The following NBEAL1 variants were observed in gnomAD, a reference collection of about 807,000 sequenced individuals.
NBEAL1 encodes the protein neurobeachin like 1.
Under a neutral mutation model 351.3 loss-of-function variants are expected in NBEAL1, and 273 were observed. The observed-to-expected ratio is 0.78, with a 90% CI of 0.70 to 0.86. The LOEUF is 0.86. Ranked by LOEUF, NBEAL1 falls within the 40% of genes least tolerant of loss-of-function variation. NBEAL1 has a pLI of 0.00. For missense variants in NBEAL1, 2,961 were observed against 3,201.3 expected (o/e 0.92, Z 1.81); for synonymous variants, 1,050 against 1,086.4 (o/e 0.97, Z 0.66).
At chr2:203,195,129 G>A (rs2065203398) in intron 47 of NBEAL1, among the ~76,000 whole-genome samples, 1 of 151,200 alleles carries the variant, frequency 6.6e-6, no homozygotes, top group Non-Finnish European at 1.5e-5. Flanking sequence ...AGGAGGCAGA[G>A]CTTGCAGTGA....
intron 39 of NBEAL1, among the ~76,000 whole-genome samples, chr2:203,170,477 C>A (rs1464247376): frequency 6.6e-6 from 1 of 152,156 alleles, no homozygotes; most frequent in African/African-American, 2.4e-5. Context: ...AATGCCAATT[C>A]TCCTACCAGC....
intron 10 of NBEAL1, among the ~76,000 whole-genome samples, chr2:203,090,882 C>G (rs1405283404): frequency 6.7e-6 from 1 of 148,244 alleles, no homozygotes; most frequent in Non-Finnish European, 1.5e-5. Context: ...GAGCAAGACT[C>G]TGTCTTAAGA....
chr2:203,191,150 A>C (rs1462292341), intron 46 of NBEAL1: 2 of 1,584,446 alleles, frequency 1.3e-6, no homozygotes, highest in Non-Finnish European at 1.7e-6. Context: ...TTAGCCAGAG[A>C]ACTCTCTGGA....
At chr2:203,075,443 G>A (rs2061754960) in intron 7 of NBEAL1, among the ~76,000 whole-genome samples, 1 of 152,182 alleles carries the variant, frequency 6.6e-6, no homozygotes, top group Non-Finnish European at 1.5e-5. Flanking sequence ...CACTGTGGCT[G>A]AGTGGAACTC....
intron 12 of NBEAL1, among the ~76,000 whole-genome samples, chr2:203,106,335 T>C (rs1386979915): frequency 2.0e-5 from 3 of 152,232 alleles, no homozygotes; most frequent in Non-Finnish European, 2.9e-5. Flanking sequence ...TTCATTGTAT[T>C]CCTTAGATTA....
intron 27 of NBEAL1, among the ~76,000 whole-genome samples, chr2:203,134,001 T>C (rs1461572840): frequency 6.6e-6 from 1 of 152,124 alleles, no homozygotes; most frequent in African/African-American, 2.4e-5. Context: ...TGTCTTTTTA[T>C]GTTTTCCAAT....
rs1330347527 is a variant in NBEAL1 at position 203,110,283 on chromosome 2, G to A, written c.2082+1G>A. 1 of 1,551,572 alleles carries A rather than the reference G, an allele frequency of 6.4e-7. No individual in the cohort carries two copies. On this transcript the variant is annotated splice_donor_variant, in intron 15 of 55. Coordinates refer to ENST00000683969, the MANE Select transcript of NBEAL1 (RefSeq NM_001378026.1). LOFTEE classifies it high-confidence loss of function. Reference sequence around the variant, plus strand: ...CCACAGTTTCTGTGATTCCCTCTGGGTAAGGCTTTAGGGCATCACATTTAA... The same window carrying A: ...CCACAGTTTCTGTGATTCCCTCTGGATAAGGCTTTAGGGCATCACATTTAA...
chr2:203,084,182 G>T (rs557286112), intron 9 of NBEAL1, among the ~76,000 whole-genome samples: 16 of 152,146 alleles, frequency 1.1e-4, no homozygotes, highest in African/African-American at 3.6e-4. Flanking sequence ...GTTCCTTTTA[G>T]AAGTAAAACG....
At chr2:203,121,661 A>G (rs921975516) in intron 18 of NBEAL1, among the ~76,000 whole-genome samples, 5 of 152,038 alleles carry the variant, frequency 3.3e-5, no homozygotes, top group South Asian at 2.1e-4. Context: ...TCCAAAAAAA[A>G]AAAAAAAACA....
At chr2:203,021,128 A>G (rs554652064) in intron 2 of NBEAL1, among the ~76,000 whole-genome samples, 14 of 152,130 alleles carry the variant, frequency 9.2e-5, no homozygotes, top group African/African-American at 3.4e-4. Flanking sequence ...GGGTTTCACC[A>G]TGTTGGTCAG....
At chr2:203,055,767 A>C (rs888568219) in intron 4 of NBEAL1, among the ~76,000 whole-genome samples, 4 of 152,178 alleles carry the variant, frequency 2.6e-5, no homozygotes, top group African/African-American at 9.7e-5. Flanking sequence ...AGGTATAGTA[A>C]ATATTGTCTT....
intron 41 of NBEAL1, among the ~76,000 whole-genome samples, chr2:203,174,896 A>G (rs561026429): frequency 7.4e-6 from 1 of 135,124 alleles, no homozygotes; most frequent in African/African-American, 2.7e-5. Flanking sequence ...TAAATAAATA[A>G]AAATAAAAAT....
intron 3 of NBEAL1, among the ~76,000 whole-genome samples, chr2:203,047,151 C>T (rs2061241692): frequency 2.0e-5 from 3 of 151,960 alleles, no homozygotes; most frequent in Non-Finnish European, 4.4e-5. Flanking sequence ...GCAGCAGAAT[C>T]GCTTGAATGC....
intron 10 of NBEAL1, chr2:203,085,045 A>G (rs910320772): frequency 6.5e-6 from 1 of 154,950 alleles, no homozygotes; most frequent in African/African-American, 2.4e-5. Flanking sequence ...CTTGGTGCAA[A>G]CCTATTACTC....
chr2:203,179,289 G>C (rs1424108954), intron 42 of NBEAL1, among the ~76,000 whole-genome samples: 3 of 152,192 alleles, frequency 2.0e-5, no homozygotes, highest in Non-Finnish European at 4.4e-5. Context: ...TATAGACGCA[G>C]TGCCCATGAT....
At position 203,183,184 on chromosome 2, in the gene NBEAL1, T is replaced by C. The variant is rs1055002800; in HGVS notation, c.6596-95T>C. On this transcript the variant is annotated intron_variant, in intron 43 of 55. Coordinates refer to ENST00000683969, the MANE Select transcript of NBEAL1 (RefSeq NM_001378026.1). ...GATAAGAATTTTAAAAGAAAAAATA[T>C]GTTTTGCTTAGGAATGTGCCCTCAT... The C allele has an allele frequency of 2.7e-5, 16 of 589,602 alleles. No homozygotes were observed. The East Asian group carries it at 4.2e-4, about 16-fold the overall frequency. 36.5% of individuals were successfully genotyped at this position (589,602 alleles called of 1,614,324 possible).
chr2:203,168,176 G>A (rs535318357), intron 38 of NBEAL1, among the ~76,000 whole-genome samples: 8 of 152,344 alleles, frequency 5.3e-5, no homozygotes, highest in Admixed American at 5.2e-4. Context: ...GGAAAGCTGT[G>A]TCATGTAATT....
intron 45 of NBEAL1, among the ~76,000 whole-genome samples, chr2:203,189,638 C>T (rs1331042306): frequency 6.6e-6 from 1 of 152,110 alleles, no homozygotes; most frequent in African/African-American, 2.4e-5. Flanking sequence ...CCTCCCGCCT[C>T]AGCCTCCCAA....
rs773480912 is a variant in NBEAL1, at chr2:203,144,921, T to C, written c.5154+16T>C. On this transcript the variant is annotated intron_variant, in intron 32 of 55. Coordinates refer to ENST00000683969, the MANE Select transcript of NBEAL1 (RefSeq NM_001378026.1). ...TGAAAAATATGTAAGTTTTATCTTT[T>C]TTGATCAAGATTTTTCTGCTAATTT... is the stretch of plus-strand genomic sequence containing the variant. 1 of 1,552,524 alleles carries C rather than the reference T, an allele frequency of 6.4e-7. No individual in the cohort carries two copies. Among genetic ancestry groups the C allele is most frequent in the Non-Finnish European group, 8.7e-7 (1 of 1,152,066 alleles).
Sources: allele counts gnomAD v4.1 joint callset (sites outside exome capture counted in the v4.1 genomes callset), GRCh38; gene constraint gnomAD v4.1.1; transcripts MANE v1.5; gene names NCBI Gene and HGNC (gene_info 2026-07-23, HGNC 2026-07-21).